The following PLCG2 variants were observed in gnomAD, a reference collection of about 807,000 sequenced individuals.
The protein encoded by PLCG2 is phospholipase C gamma 2, also known as 1-phosphatidylinositol 4,5-bisphosphate phosphodiesterase gamma-2.
PLCG2 carries 69 observed loss-of-function variants against 175.6 expected under a neutral mutation model. The observed-to-expected ratio is 0.39, with a 90% CI of 0.32 to 0.48. The LOEUF (loss-of-function observed/expected upper bound fraction) is 0.48, where lower values mean the gene tolerates loss of function less well. PLCG2 is among the 20% of genes least tolerant of loss of function. The pLI, the probability that PLCG2 is intolerant of heterozygous loss-of-function variation, is 0.91. For synonymous variants in PLCG2, 827 were observed against 624.0 expected (o/e 1.33, Z -4.85); for missense variants, 1,798 against 1,650.9 (o/e 1.09, Z -1.54).
chr16:81,751,543 A>T (rs1376188828), intron 1 of PLCG2, among the ~76,000 whole-genome samples: 4 of 152,068 alleles, frequency 2.6e-5, no homozygotes, highest in African/African-American at 9.7e-5. Context: ...TTTTTTTGAG[A>T]CCTATTGTAT....
intron 2 of PLCG2, among the ~76,000 whole-genome samples, chr16:81,801,091 G>T (rs1274166673): frequency 6.6e-6 from 1 of 152,128 alleles, no homozygotes; most frequent in African/African-American, 2.4e-5. Context: ...CATGACTTTT[G>T]CTCGTCTCCA....
chr16:81,880,422 A>C (rs2143566189), intron 7 of PLCG2, among the ~76,000 whole-genome samples: 1 of 152,344 alleles, frequency 6.6e-6, no homozygotes, highest in East Asian at 1.9e-4. Flanking sequence ...AAGTGGGCAA[A>C]GATAGAGAAA....
intron 7 of PLCG2, among the ~76,000 whole-genome samples, chr16:81,875,242 G>A (rs1467551066): frequency 6.6e-6 from 1 of 152,054 alleles, no homozygotes; most frequent in Non-Finnish European, 1.5e-5. Context: ...GGGATTACAG[G>A]TGTGAGCCAT....
In PLCG2 at chr16:81,913,962, C is replaced by G. The variant is rs757324837; in HGVS notation, c.2054+1246C>G. On this transcript the variant is annotated intron_variant, in intron 19 of 32. Coordinates refer to ENST00000564138, the MANE Select transcript of PLCG2 (RefSeq NM_002661.5). Reference sequence around the variant, plus strand: ...GCTCCAGCCAGAGAGCAGCCTCCCACCAGCATGGCTTTTCTGTACTCTCTG... The same window carrying G: ...GCTCCAGCCAGAGAGCAGCCTCCCAGCAGCATGGCTTTTCTGTACTCTCTG... Among the ~76,000 whole-genome samples, 7 of 152,256 alleles carry G rather than the reference C, an allele frequency of 4.6e-5. 1 individual carries two copies. The highest frequency in any genetic ancestry group is 2.6e-4 in the Admixed American group (4 of 15,290).
intron 31 of PLCG2, among the ~76,000 whole-genome samples, chr16:81,953,227 T>A (rs1238074567): frequency 6.6e-6 from 1 of 152,298 alleles, no homozygotes; most frequent in Non-Finnish European, 1.5e-5. Flanking sequence ...GATCCCGGAT[T>A]GGATGTGGGA....
chr16:81,778,564 C>T (rs1276325867), upstream of PLCG2, among the ~76,000 whole-genome samples: 1 of 152,234 alleles, frequency 6.6e-6, no homozygotes, highest in African/African-American at 2.4e-5. Flanking sequence ...ATATTAGCTT[C>T]TTCCCATGAG....
At chr16:81,919,442 C>T in intron 19 of PLCG2, 42 bp from the exon 20 acceptor site, 1 of 1,550,976 alleles carries the variant, frequency 6.4e-7, no homozygotes, top group Non-Finnish European at 8.9e-7. Context: ...TGTTTGGCCA[C>T]CAGGATCTTG....
chr16:81,952,165 A>T (rs1237434646), intron 31 of PLCG2, among the ~76,000 whole-genome samples: 2 of 152,156 alleles, frequency 1.3e-5, no homozygotes, highest in African/African-American at 4.8e-5. Context: ...TAAAAAACAA[A>T]ACACCATGTG....
intron 2 of PLCG2, among the ~76,000 whole-genome samples, chr16:81,853,307 G>C (rs1906514337): frequency 6.7e-6 from 1 of 150,026 alleles, no homozygotes; most frequent in Admixed American, 6.7e-5. Context: ...CTCCAGACTG[G>C]GTGACAGAGT....
chr16:81,798,500 T>A (rs954761447), intron 2 of PLCG2: 4 of 151,578 alleles, frequency 2.6e-5, no homozygotes, highest in African/African-American at 9.7e-5. Flanking sequence ...GTCGACAGGG[T>A]GAAGGTGAAG....
chr16:81,861,347 G>C (rs1906970666), intron 5 of PLCG2, among the ~76,000 whole-genome samples: 1 of 152,224 alleles, frequency 6.6e-6, no homozygotes, highest in Admixed American at 6.5e-5. Context: ...GTGACTTCGT[G>C]TCTGGTCAGT....
intron 2 of PLCG2, chr16:81,767,728 C>G (rs1334323884): frequency 6.6e-6 from 1 of 152,150 alleles, no homozygotes; most frequent in African/African-American, 2.4e-5. Context: ...TTTCCTCACC[C>G]CTCCCCAATT....
At chr16:81,809,290 G>C (rs1904298114) in intron 2 of PLCG2, among the ~76,000 whole-genome samples, 1 of 152,084 alleles carries the variant, frequency 6.6e-6, no homozygotes, top group East Asian at 1.9e-4. Context: ...GGGAGTGCTG[G>C]GGTGTTAGTG....
chr16:81,934,429 G>T lies in PLCG2; in HGVS notation c.2740G>T (p.Glu914Ter). The T allele has an allele frequency of 6.2e-7, 1 of 1,605,306 alleles. No homozygotes were observed. The highest frequency in any genetic ancestry group is 8.5e-7 in the Non-Finnish European group (1 of 1,172,380). Reference sequence around the variant, plus strand: ...ACTAAAGACAGTGAACTCCAAACAGGAGAACAACATGAAGTACTGGGAGAA... The same window carrying T: ...ACTAAAGACAGTGAACTCCAAACAGTAGAACAACATGAAGTACTGGGAGAA... ...REITWKIDTK[E>*]NNMKYWEKNQ... Residue 914 changes from glutamate to a stop codon, truncating the protein, a stop_gained and splice_region_variant, in exon 26 of 33, where the codon GAG becomes TAG. Coordinates refer to ENST00000564138, the MANE Select transcript of PLCG2 (RefSeq NM_002661.5). LOFTEE classifies it high-confidence loss of function.
intron 2 of PLCG2, among the ~76,000 whole-genome samples, chr16:81,853,684 G>T (rs1281866430): frequency 6.6e-6 from 1 of 152,162 alleles, no homozygotes; most frequent in East Asian, 1.9e-4. Flanking sequence ...TGGCCTGGGG[G>T]TTGGGGAATC....
intron 5 of PLCG2, among the ~76,000 whole-genome samples, chr16:81,864,720 A>AG (rs1184803136): frequency 6.6e-6 from 1 of 152,136 alleles, no homozygotes; most frequent in Non-Finnish European, 1.5e-5. Flanking sequence ...GGGGCAGTGG[A>AG]GGTGCCGGCC....
chr16:81,896,230 C>A (rs1039059406), intron 13 of PLCG2, among the ~76,000 whole-genome samples: 1 of 152,118 alleles, frequency 6.6e-6, no homozygotes, highest in African/African-American at 2.4e-5. Flanking sequence ...TTTCAGAACC[C>A]CCGAAAGAGA....
intron 2 of PLCG2, among the ~76,000 whole-genome samples, chr16:81,802,981 C>A (rs1361463783): frequency 1.3e-5 from 2 of 152,082 alleles, no homozygotes; most frequent in African/African-American, 4.8e-5. Flanking sequence ...CATAATTTCC[C>A]CCAAATCCTA....
At chr16:81,957,600 G>A (rs1012972645) in intron 32 of PLCG2, among the ~76,000 whole-genome samples, 3 of 152,080 alleles carry the variant, frequency 2.0e-5, no homozygotes, top group Admixed American at 6.5e-5. Context: ...GGGCGGCCGG[G>A]GTTGCCAAGT....
Sources: gnomAD v4.1 joint callset for allele counts (sites outside exome capture counted in the v4.1 genomes callset) on GRCh38, gnomAD v4.1.1 for gene constraint, MANE v1.5 for transcripts, NCBI Gene and HGNC (gene_info 2026-07-23, HGNC 2026-07-21) for gene names.